Variants in COL5A3 observed in about 807,000 individuals in gnomAD.
COL5A3 encodes the protein collagen alpha-3(V) chain.
Under a neutral mutation model 250.0 loss-of-function variants are expected in COL5A3, and 172 were observed. That is an observed-to-expected ratio of 0.69 (90% CI 0.61 to 0.78). COL5A3 has a LOEUF of 0.78. COL5A3 is among the 30% of genes least tolerant of loss of function. COL5A3 has a pLI of 0.00. For missense variants in COL5A3, 2,340 were observed against 2,334.4 expected (o/e 1.00, Z -0.05); for synonymous variants, 937 against 900.4 (o/e 1.04, Z -0.73).
rs1209856416 is a variant in COL5A3, at chr19:9,977,434, C to G, written c.3165G>C (p.Gly1055=). ...CCAGAGGCCCCAGGGGCCCTGGGAT[C>G]CCATCTTTGCCAGTGGGGCCAGGGG... ...RGPPGPTGKD[G]IPGPLGPLGP... is the part of the protein sequence containing the mutation. The change falls in exon 43 of 67, where the codon GGG becomes GGC. Residue 1055 remains glycine (G), a synonymous_variant. Coordinates refer to ENST00000264828, the MANE Select transcript of COL5A3 (RefSeq NM_015719.4). The G allele has an allele frequency of 1.1e-5, 17 of 1,522,608 alleles. No individual in the cohort carries two copies. Among genetic ancestry groups the G allele is most frequent in the Non-Finnish European group, 1.4e-5 (16 of 1,137,122 alleles). The allele number at this position is 1,522,608 out of a possible 1,614,324, so 94.3% of individuals were successfully genotyped here.
At chr19:9,970,300 TG>T (rs372429710) in intron 54 of COL5A3, among the ~76,000 whole-genome samples, 59 of 73,156 alleles carry the variant, frequency 8.1e-4, no homozygotes, top group Non-Finnish European at 9.6e-4. Flanking sequence ...CTGAGGTCTG[TG>T]GGGTGAGTGG....
intron 24 of COL5A3, 34 bp from the exon 25 acceptor site, chr19:9,989,556 G>A (rs982809580): frequency 3.2e-6 from 5 of 1,583,830 alleles, no homozygotes; most frequent in African/African-American, 2.7e-5. Flanking sequence ...GAGAGACAGA[G>A]GTGCTCAGAG....
At chr19:9,981,960 G>T in intron 32 of COL5A3, 105 bp downstream of exon 32, 1 of 843,802 alleles carries the variant, frequency 1.2e-6, no homozygotes, top group Non-Finnish European at 2.1e-6. Flanking sequence ...AATGTTCCAG[G>T]CATAGACACA....
At chr19:9,969,296 G>A in intron 57 of COL5A3, 53 bp downstream of exon 57, 2 of 1,487,056 alleles carry the variant, frequency 1.3e-6, no homozygotes, top group South Asian at 2.6e-5. Flanking sequence ...TGGTCACTAG[G>A]TGCCCAGAGT....
At chr19:9,975,537 G>A (rs2086907292) in intron 45 of COL5A3, among the ~76,000 whole-genome samples, 1 of 152,200 alleles carries the variant, frequency 6.6e-6, no homozygotes, top group African/African-American at 2.4e-5. Flanking sequence ...TCAAAGTTGA[G>A]CATGAGGTTG....
intron 6 of COL5A3, 144 bp from the exon 7 acceptor site, chr19:10,002,025 G>A (rs1056958066): frequency 5.8e-5 from 36 of 615,898 alleles, no homozygotes; most frequent in Non-Finnish European, 1.0e-4. Flanking sequence ...GGCCAATGGA[G>A]ACAAAAGTGT....
In COL5A3 at chr19:9,997,343, A is replaced by C; in HGVS notation, c.1263+28T>G. The C allele has an allele frequency of 1.9e-6, 3 of 1,561,752 alleles. No homozygotes were observed. In the South Asian group the frequency reaches 3.4e-5, roughly 18 times the overall value. ...AGCCCCAAACCTCACTCCTCTGAGA[A>C]GTGTACACCCCAGTGGGAGTCTCTT... On this transcript the variant is annotated intron_variant, in intron 11 of 66. Transcript: ENST00000264828.
intron 44 of COL5A3, among the ~76,000 whole-genome samples, 177 bp from the exon 45 acceptor site, chr19:9,976,788 C>T (rs959853869): frequency 1.3e-5 from 2 of 152,152 alleles, no homozygotes; most frequent in Non-Finnish European, 2.9e-5. Flanking sequence ...TGGGATCAGA[C>T]AGACGTCTGT....
Position 9,968,383 on chromosome 19 carries a change from A to C in COL5A3, c.4314+2T>G. The C allele has an allele frequency of 6.3e-7, 1 of 1,594,128 alleles. No homozygotes were observed. Among genetic ancestry groups the C allele is most frequent in the Non-Finnish European group, 8.5e-7 (1 of 1,171,916 alleles). On this transcript the variant is annotated splice_donor_variant, in intron 59 of 66. Coordinates refer to ENST00000264828, the MANE Select transcript of COL5A3 (RefSeq NM_015719.4). LOFTEE classifies it high-confidence loss of function. This position sits in a 1 kb window ranked among gnomAD's most constrained non-coding sequence, Gnocchi z 4.1. The stretch of plus-strand genomic sequence containing the variant: ...TCTTCCCGCTCAGGTCAGGACACTC[A>C]CAGGGTCTCCCTTGGGACCAGGGGG...
chr19:9,998,253 CA>C, intron 8 of COL5A3, 104 bp from the exon 9 acceptor site: 1 of 1,130,628 alleles, frequency 8.8e-7, no homozygotes, highest in Non-Finnish European at 1.3e-6. Flanking sequence ...CACACACACA[CA>C]CACGGAGTCC....
rs1473992743 is a variant in COL5A3, at chr19:9,998,033, G to T, written c.1159-8C>A. 7 of 1,613,940 alleles carry T rather than the reference G, an allele frequency of 4.3e-6. No homozygotes were observed. Among genetic ancestry groups the T allele is most frequent in the Non-Finnish European group, 5.9e-6 (7 of 1,180,016 alleles). ...TCCCTCAAACTGCTGCCCCTGAAGG[G>T]AGAAGTGAGTGTCGGTGACCGCTGT... On this transcript the variant is annotated splice_polypyrimidine_tract_variant and splice_region_variant and intron_variant, in intron 9 of 66. Transcript: ENST00000264828.
intron 54 of COL5A3, among the ~76,000 whole-genome samples, chr19:9,970,412 A>G (rs1599533793): frequency 5.4e-5 from 2 of 36,726 alleles, no homozygotes; most frequent in African/African-American, 1.5e-4. Context: ...CTGTGGGGTG[A>G]GTGGGGGCTG....
Position 9,972,998 on chromosome 19 carries a change from C to G in COL5A3, c.3695G>C (p.Gly1232Ala). The change falls in exon 51 of 67, where the codon GGG (glycine) becomes GCG (alanine). Residue 1232 changes from glycine to alanine, a missense_variant. Physicochemically the swap from Gly to Ala is moderately conservative, Grantham distance 60. Coordinates refer to ENST00000264828, the MANE Select transcript of COL5A3 (RefSeq NM_015719.4). ...AGCAGCTCCAGATGGGCCTGAGTCC[C>G]CCTTTTCACCAATGTCTCCCTTGGG... is the stretch of plus-strand genomic sequence containing the variant. ...PGPKGDIGEK[G>A]DSGPSGAAGP... 3 of 1,610,560 alleles carry G rather than the reference C, an allele frequency of 1.9e-6. No individual in the cohort carries two copies. The highest frequency in any genetic ancestry group is 1.3e-5 in the African/African-American group (1 of 75,006).
At chr19:10,000,973 A>G (rs986859153) in intron 8 of COL5A3, among the ~76,000 whole-genome samples, 6 of 152,160 alleles carry the variant, frequency 3.9e-5, no homozygotes, top group African/African-American at 1.4e-4. Flanking sequence ...AGGATCAGGA[A>G]AAATAACTAA....
intron 27 of COL5A3, among the ~76,000 whole-genome samples, chr19:9,988,504 A>T (rs542610357): frequency 6.6e-6 from 1 of 152,154 alleles, no homozygotes; most frequent in East Asian, 1.9e-4. Context: ...AACCCAGCAT[A>T]CTGTGCTTAT....
rs202224117 is a variant in COL5A3, at chr19:9,974,284, C to T, written c.3450+17G>A. On this transcript the variant is annotated intron_variant, in intron 46 of 66. Coordinates refer to ENST00000264828, the MANE Select transcript of COL5A3 (RefSeq NM_015719.4). ...TAGGGAGAATCAGAAGTGCCACCCC[C>T]AAACCCAGACACCCACCTGCAGTCC... 106 of 1,609,944 alleles carry T rather than the reference C, an allele frequency of 6.6e-5. No individual in the cohort carries two copies. Among genetic ancestry groups the T allele is most frequent in the Non-Finnish European group, 7.6e-5 (89 of 1,177,894 alleles).
chr19:10,002,906 TCCAGTCAGTGACCACCCA>T (rs2087385544), intron 6 of COL5A3, among the ~76,000 whole-genome samples: 1 of 151,694 alleles, frequency 6.6e-6, no homozygotes, highest in African/African-American at 2.4e-5. Flanking sequence ...CACTATGACT[TCCAGTCAGTGACCACCCA>T]CCAACAACCC....
In COL5A3 at chr19:9,986,600, C is replaced by T; in HGVS notation, c.2197G>A (p.Asp733Asn). 1.9e-6 allele frequency: 3 copies of T among 1,613,954 alleles called. No homozygotes were observed. The highest frequency in any genetic ancestry group is 2.5e-6 in the Non-Finnish European group (3 of 1,179,984). ...TCGCCCTTGAAGCCTGGGAAGCCGT[C>T]CTCTCCCTGGGTGGGAGAGACAGAG... is the stretch of plus-strand genomic sequence containing the variant. Reference protein sequence around the residue: ...LQGEKGEKGEDGFPGFKGDVG... With the variant: ...LQGEKGEKGENGFPGFKGDVG... Residue 733 changes from aspartate to asparagine, a missense_variant, in exon 29 of 67, where the codon GAC (aspartate) becomes AAC (asparagine). Physicochemically the swap from Asp to Asn is conservative, Grantham distance 23. Around this residue, in one of 3 missense-constraint regions of COL5A3, gnomAD observed 1,152 missense variants for 1,146.3 expected, o/e 1.00. Coordinates refer to ENST00000264828, the MANE Select transcript of COL5A3 (RefSeq NM_015719.4).
In COL5A3 at chr19:10,005,815, C is replaced by A. The variant is rs776727476; in HGVS notation, c.418G>T (p.Val140Phe). 6.2e-7 allele frequency: 1 copy of A among 1,611,666 alleles called. No homozygotes were observed. Among genetic ancestry groups the A allele is most frequent in the Non-Finnish European group, 8.5e-7 (1 of 1,178,700 alleles). The change falls in exon 3 of 67, where the codon GTC becomes TTC. Residue 140 changes from valine (V) to phenylalanine (F), a missense_variant. Val to Phe is a conservative substitution (Grantham distance 50, BLOSUM62 -1). Coordinates refer to ENST00000264828, the MANE Select transcript of COL5A3 (RefSeq NM_015719.4). ...GDPFRPLPQQVNLTDGRWHRV... is the reference protein window; with the variant it reads ...GDPFRPLPQQFNLTDGRWHRV... ...GCTCACCTGCCATCTGTGAGGTTGACCTGCTGGGGGAGGGGGCGGAAGGGG... is the reference window on the plus strand; with the variant it reads ...GCTCACCTGCCATCTGTGAGGTTGAACTGCTGGGGGAGGGGGCGGAAGGGG...
Sources: allele counts gnomAD v4.1 joint callset (sites outside exome capture counted in the v4.1 genomes callset), GRCh38; gene constraint gnomAD v4.1.1; regional missense constraint gnomAD v4.1.1; non-coding constraint Gnocchi (gnomAD v3.1); transcripts MANE v1.5; gene names NCBI Gene and HGNC (gene_info 2026-07-23, HGNC 2026-07-21).